Variants in BRD8 observed in about 807,000 individuals in gnomAD.
BRD8 encodes the protein bromodomain-containing protein 8.
A neutral mutation model predicts 143.1 loss-of-function variants in BRD8; 67 were observed. The observed-to-expected ratio is 0.47, with a 90% CI of 0.38 to 0.57. BRD8 has a LOEUF of 0.57. BRD8 is among the 20% of genes least tolerant of loss of function. The pLI is 0.00. For missense variants in BRD8, 1,103 were observed against 1,503.0 expected (o/e 0.73, Z 4.40); for synonymous variants, 505 against 517.1 (o/e 0.98, Z 0.32).
chr5:138,151,940 C>T (rs978552861), intron 21 of BRD8, among the ~76,000 whole-genome samples: 7 of 152,166 alleles, frequency 4.6e-5, no homozygotes, highest in African/African-American at 9.7e-5. Context: ...CTGCAACCTC[C>T]GCCTCTCAGG....
intron 18 of BRD8, among the ~76,000 whole-genome samples, chr5:138,160,535 A>G (rs1218557995): frequency 1.3e-5 from 2 of 152,226 alleles, no homozygotes; most frequent in Non-Finnish European, 2.9e-5. Context: ...ACCTGGTAAC[A>G]CAATCATAGG....
Position 138,162,102 on chromosome 5 carries a change from A to C in BRD8, c.2132T>G (p.Ile711Ser). The C allele has an allele frequency of 6.2e-7, 1 of 1,614,036 alleles. No homozygotes were observed. Among genetic ancestry groups the C allele is most frequent in the Non-Finnish European group, 8.5e-7 (1 of 1,179,972 alleles). Residue 711 changes from isoleucine to serine, a missense_variant, in exon 16 of 27, where the codon ATT (isoleucine) becomes AGT (serine). By Grantham distance (142) the Ile-to-Ser change is moderately radical (BLOSUM62 -2). Transcript: ENST00000254900. The stretch of plus-strand genomic sequence containing the variant: ...TACAAGCATGATGGCTTTCTTCCAA[A>C]TTTTCTGTGCCTGAATAGCTTCCTG... ...EDQEAIQAQK[I>S]WKKAIMLVWR... is the part of the protein sequence containing the mutation.
At chr5:138,177,690 A>T (rs1754468907) in intron 1 of BRD8, 23 bp from the exon 2 acceptor site, 1 of 1,488,420 alleles carries the variant, frequency 6.7e-7, no homozygotes, top group Non-Finnish European at 9.2e-7. Context: ...GAAAAAAAAA[A>T]AAGCCTTGGA....
At chr5:138,173,446 G>C (rs1754055822) in intron 2 of BRD8, among the ~76,000 whole-genome samples, 1 of 151,802 alleles carries the variant, frequency 6.6e-6, no homozygotes, top group Non-Finnish European at 1.5e-5. Flanking sequence ...AAAATGTGAG[G>C]AAATATACAG....
intron 21 of BRD8, among the ~76,000 whole-genome samples, chr5:138,151,558 T>A (rs952481981): frequency 6.6e-6 from 1 of 152,188 alleles, no homozygotes; most frequent in African/African-American, 2.4e-5. Context: ...TTCCCACAAC[T>A]CCAAAAGCAT....
At chr5:138,147,225 A>C (rs1309359091) in intron 23 of BRD8, among the ~76,000 whole-genome samples, 1 of 151,166 alleles carries the variant, frequency 6.6e-6, no homozygotes, top group Non-Finnish European at 1.5e-5. Flanking sequence ...TGAAGCCAGG[A>C]GTTCAAGACC....
chr5:138,164,659 C>T lies in BRD8; in HGVS notation c.1731+55G>A, dbSNP rs1753254361. 15 of 1,582,502 alleles carry T rather than the reference C, an allele frequency of 9.5e-6. No individual in the cohort carries two copies. In the South Asian group the frequency reaches 1.5e-4, roughly 16 times the overall value. On this transcript the variant is annotated intron_variant, in intron 12 of 26. Transcript: ENST00000254900. ...GAAAACCAAAAAGCCTAAGCTGTCACTTCTTATCTAAGGTATAAACCTCCA... is the reference window on the plus strand; with the variant it reads ...GAAAACCAAAAAGCCTAAGCTGTCATTTCTTATCTAAGGTATAAACCTCCA...
intron 11 of BRD8, 129 bp from the exon 12 acceptor site, chr5:138,165,295 A>G: frequency 2.0e-6 from 2 of 977,338 alleles, no homozygotes; most frequent in Non-Finnish European, 3.0e-6. Context: ...AGTGGAGGCA[A>G]ACAATGAAGA....
chr5:138,150,630 G>A lies in BRD8; in HGVS notation c.3120+115C>T, dbSNP rs1752340332. On this transcript the variant is annotated intron_variant, in intron 22 of 26. Coordinates refer to ENST00000254900, the MANE Select transcript of BRD8 (RefSeq NM_139199.2). ...ACAGCTAAAACTGGTGCTAAATCCA[G>A]GATTTGGATCCAGGTAGTTTAACTT... The A allele has an allele frequency of 9.8e-6, 12 of 1,224,228 alleles. No individual in the cohort carries two copies. The South Asian group carries it at 1.8e-4, about 18-fold the overall frequency. The allele number at this position is 1,224,228 out of a possible 1,614,324, so 75.8% of individuals were successfully genotyped here.
intron 21 of BRD8, among the ~76,000 whole-genome samples, chr5:138,151,603 A>T (rs1752370825): frequency 6.6e-6 from 1 of 152,244 alleles, no homozygotes; most frequent in Admixed American, 6.5e-5. Flanking sequence ...AGTCCTTATG[A>T]CCCAGGCCCC....
At chr5:138,148,819 C>A (rs1387463926) in intron 23 of BRD8, among the ~76,000 whole-genome samples, 1 of 151,966 alleles carries the variant, frequency 6.6e-6, no homozygotes, top group East Asian at 2.0e-4. Context: ...AATCCCAACA[C>A]TTTAGGAGGC....
chr5:138,153,520 G>C (rs1752447715), intron 20 of BRD8, among the ~76,000 whole-genome samples: 2 of 151,880 alleles, frequency 1.3e-5, no homozygotes, highest in Non-Finnish European at 2.9e-5. Context: ...TATGAATTCT[G>C]GTGTCATTTC....
chr5:138,143,790 C>T (rs757462078), intron 25 of BRD8, among the ~76,000 whole-genome samples: 11 of 152,112 alleles, frequency 7.2e-5, no homozygotes, highest in African/African-American at 2.2e-4. Flanking sequence ...GGTTTGTAAA[C>T]GCACCAATCA....
At chr5:138,149,014 A>G (rs1752274814) in intron 23 of BRD8, among the ~76,000 whole-genome samples, 1 of 151,450 alleles carries the variant, frequency 6.6e-6, no homozygotes, top group Non-Finnish European at 1.5e-5. Context: ...GCAGTGAGTC[A>G]TGATCGTGCC....
intron 23 of BRD8, among the ~76,000 whole-genome samples, chr5:138,147,214 T>C (rs1581404681): frequency 6.6e-6 from 1 of 151,062 alleles, no homozygotes; most frequent in East Asian, 1.9e-4. Context: ...GTGGGATTGC[T>C]TGAAGCCAGG....
rs1752309925 is a variant in BRD8 at position 138,149,861 on chromosome 5, T to C, written c.3121-64A>G. On this transcript the variant is annotated intron_variant, in intron 22 of 26. Coordinates refer to ENST00000254900, the MANE Select transcript of BRD8 (RefSeq NM_139199.2). ...TTACTTTCTGCATAGTAATTTTACT[T>C]GCATAGAGTAAATGAAGGCTGCCCT... 3.5e-5 allele frequency: 52 copies of C among 1,488,382 alleles called. 1 individual carries two copies. The South Asian group carries it at 6.2e-4, about 18-fold the overall frequency. 92.2% of individuals were successfully genotyped at this position (1,488,382 alleles called of 1,614,324 possible).
At chr5:138,147,781 C>CA (rs1202431282) in intron 23 of BRD8, among the ~76,000 whole-genome samples, 4 of 151,924 alleles carry the variant, frequency 2.6e-5, no homozygotes, top group South Asian at 2.1e-4. Context: ...AACAAAAATA[C>CA]AAAAAAATCA....
At chr5:138,170,486 T>C in intron 6 of BRD8, 77 bp from the exon 7 acceptor site, 1 of 1,492,524 alleles carries the variant, frequency 6.7e-7, no homozygotes, top group Admixed American at 1.7e-5. Flanking sequence ...TACAAAGTAA[T>C]TTTTTTTGCC....
In BRD8 at chr5:138,164,779, TC is replaced by T; in HGVS notation, c.1665del (p.Ile556LeufsTer19). 6.2e-7 allele frequency: 1 copy of T among 1,614,224 alleles called. No homozygotes were observed. Among genetic ancestry groups the T allele is most frequent in the Non-Finnish European group, 8.5e-7 (1 of 1,180,050 alleles). ...DEELGSTAAGEIVEADVAIGK... is the reference protein window; with the variant it reads ...DEELGSTAAGXIVEADVAIGK... ...CCAATGGCAACATCTGCTTCAACAA[TC>T]TCTCCAGCTGCAGTACTTCCCAGTT... On this transcript the variant is annotated frameshift_variant, in exon 12 of 27. Transcript: ENST00000254900. LOFTEE classifies it high-confidence loss of function.
Sources: gnomAD v4.1 joint callset for allele counts (sites outside exome capture counted in the v4.1 genomes callset) on GRCh38, gnomAD v4.1.1 for gene constraint, MANE v1.5 for transcripts, NCBI Gene and HGNC (gene_info 2026-07-23, HGNC 2026-07-21) for gene names.